Variants in TBC1D22A observed in about 807,000 individuals in gnomAD.
TBC1D22A encodes TBC1 domain family member 22A.
TBC1D22A carries 38 observed loss-of-function variants against 60.2 expected under a neutral mutation model. That is an observed-to-expected ratio of 0.63 (90% CI 0.49 to 0.83). The LOEUF is 0.83. Ranked by LOEUF, TBC1D22A falls within the 40% of genes least tolerant of loss-of-function variation. The probability of loss-of-function intolerance (pLI) is 0.00; values close to 1 mark genes in which losing one functional copy is unlikely to be tolerated. For synonymous variants in TBC1D22A, 302 were observed against 281.7 expected (o/e 1.07, Z -0.72); for missense variants, 628 against 701.0 (o/e 0.90, Z 1.18).
rs1427034128 is a variant in TBC1D22A at position 47,028,597 on chromosome 22, G to A, written c.1202-8474G>A. ...CCCCCACGGCCCAGGAATGAATCTG[G>A]TATGACCTCTTCTGTCTCGCCTGCC... On this transcript the variant is annotated intron_variant, in intron 10 of 12. Transcript: ENST00000337137. This position sits in a 1 kb window ranked among gnomAD's most constrained non-coding sequence, Gnocchi z 4.4. Among the ~76,000 whole-genome samples the A allele has an allele frequency of 6.6e-6, 1 of 152,154 alleles. No homozygotes were observed. The highest frequency in any genetic ancestry group is 2.4e-5 in the African/African-American group (1 of 41,416).
chr22:46,808,288 G>A (rs2085235140), intron 4 of TBC1D22A, among the ~76,000 whole-genome samples: 1 of 151,490 alleles, frequency 6.6e-6, no homozygotes, highest in African/African-American at 2.4e-5. Flanking sequence ...AACCCGGGAG[G>A]CAGAGGTTGC....
At chr22:46,891,495 A>T in intron 6 of TBC1D22A, 101 bp downstream of exon 6, 1 of 1,322,764 alleles carries the variant, frequency 7.6e-7, no homozygotes, top group Non-Finnish European at 1.0e-6. Context: ...AGTTGGTCAG[A>T]GTTAAAGATG....
intron 11 of TBC1D22A, among the ~76,000 whole-genome samples, chr22:47,074,076 C>G (rs879370514): frequency 2.0e-5 from 3 of 152,334 alleles, no homozygotes; most frequent in South Asian, 2.1e-4. Flanking sequence ...CCACTGTACT[C>G]TAGCCTGGGT....
chr22:46,776,349 C>T (rs1304413217), intron 1 of TBC1D22A, among the ~76,000 whole-genome samples: 1 of 151,836 alleles, frequency 6.6e-6, no homozygotes, highest in East Asian at 1.9e-4. Flanking sequence ...ACAGCTGTGG[C>T]TGTATGGTGG....
At chr22:46,816,014 A>C (rs1457070783) in intron 4 of TBC1D22A, among the ~76,000 whole-genome samples, 1 of 152,020 alleles carries the variant, frequency 6.6e-6, no homozygotes, top group Non-Finnish European at 1.5e-5. Context: ...ATTGGATTTT[A>C]CCCTGCAGGT....
chr22:47,052,730 G>A (rs974321819), intron 11 of TBC1D22A, among the ~76,000 whole-genome samples: 2 of 152,180 alleles, frequency 1.3e-5, no homozygotes, highest in Non-Finnish European at 2.9e-5. Flanking sequence ...CTCAGGCTCT[G>A]CTGGGGCAGC....
At chr22:47,139,210 A>T (rs1182605859) in intron 12 of TBC1D22A, among the ~76,000 whole-genome samples, 2 of 152,206 alleles carry the variant, frequency 1.3e-5, no homozygotes, top group Non-Finnish European at 2.9e-5. Flanking sequence ...TGCAGCGACC[A>T]GTCAGGCACA....
intron 12 of TBC1D22A, among the ~76,000 whole-genome samples, chr22:47,130,510 G>A (rs1291955170): frequency 6.6e-6 from 1 of 152,214 alleles, no homozygotes; most frequent in African/African-American, 2.4e-5. Flanking sequence ...GGGTGGAGGT[G>A]GAAGCCACTT....
At chr22:47,090,902 G>T (rs1333472113) in intron 11 of TBC1D22A, among the ~76,000 whole-genome samples, 1 of 109,610 alleles carries the variant, frequency 9.1e-6, no homozygotes, top group East Asian at 3.1e-4. Context: ...GGCAGGAGAA[G>T]TCGTCTTTGG....
chr22:46,995,179 G>C (rs763021696), intron 9 of TBC1D22A, among the ~76,000 whole-genome samples: 7 of 152,192 alleles, frequency 4.6e-5, no homozygotes, highest in East Asian at 1.9e-4. Context: ...CCCGGGAGCA[G>C]TCACTCCAGA....
In TBC1D22A at chr22:47,042,177, C is replaced by G. The variant is rs1273823823; in HGVS notation, c.1329+4979C>G. On this transcript the variant is annotated intron_variant, in intron 11 of 12. Transcript: ENST00000337137. ...TGTCACAGTGGCTTCTATTTCTGCC[C>G]CCCCCATGAGGCACTTTGGGCTCCA... Among the ~76,000 whole-genome samples, 3 of 152,330 alleles carry G rather than the reference C, an allele frequency of 2.0e-5. No homozygotes were observed. In the South Asian group the frequency reaches 6.2e-4, roughly 32 times the overall value.
rs180736150 is a variant in TBC1D22A, at chr22:47,172,792, G to T, written c.1426-706G>T. ...GCACCAGGTTGGACCTAGACCTGAA[G>T]CTGGGTTTGGTGGAGCCCTGCACCC... On this transcript the variant is annotated intron_variant, in intron 12 of 12. Coordinates refer to ENST00000337137, the MANE Select transcript of TBC1D22A (RefSeq NM_014346.5). Among the ~76,000 whole-genome samples, 3 of 152,354 alleles carry T rather than the reference G, an allele frequency of 2.0e-5. No individual in the cohort carries two copies. The East Asian group carries it at 5.8e-4, about 29-fold the overall frequency.
intron 12 of TBC1D22A, among the ~76,000 whole-genome samples, chr22:47,168,840 G>T (rs1399316255): frequency 1.3e-5 from 2 of 152,200 alleles, no homozygotes; most frequent in Non-Finnish European, 2.9e-5. Flanking sequence ...AACCCTTTTG[G>T]TAAGAAGTAG....
At chr22:46,924,088 T>C (rs2070909879) in intron 8 of TBC1D22A, among the ~76,000 whole-genome samples, 1 of 152,214 alleles carries the variant, frequency 6.6e-6, no homozygotes, top group Non-Finnish European at 1.5e-5. Flanking sequence ...ACAATTGTAT[T>C]TTAGCTTAAA....
chr22:46,849,349 C>T (rs2147268706), intron 4 of TBC1D22A, among the ~76,000 whole-genome samples: 1 of 152,300 alleles, frequency 6.6e-6, no homozygotes, highest in South Asian at 2.1e-4. Flanking sequence ...TCCTGGACAC[C>T]TTTTTGTCTC....
intron 8 of TBC1D22A, among the ~76,000 whole-genome samples, chr22:46,934,682 C>T (rs530324616): frequency 3.3e-4 from 51 of 152,332 alleles, no homozygotes; most frequent in African/African-American, 1.0e-3. Flanking sequence ...CCCGGGGACA[C>T]GTCACCCACT....
At position 47,170,795 on chromosome 22, in the gene TBC1D22A, C is replaced by G. The variant is rs7511337; in HGVS notation, c.1426-2703C>G. ...AGAGAGGACAGTCCTGGTGTGTAAC[C>G]CTCCTGATGCAGGACCGGAGAGAGG... On this transcript the variant is annotated intron_variant, in intron 12 of 12. Coordinates refer to ENST00000337137, the MANE Select transcript of TBC1D22A (RefSeq NM_014346.5). Among the ~76,000 whole-genome samples the G allele has an allele frequency of 4.5e-3, 415 of 92,930 alleles. 1 individual carries two copies. Among genetic ancestry groups the G allele is most frequent in the African/African-American group, 8.4e-3 (185 of 22,064 alleles). 61.0% of individuals were successfully genotyped at this position (92,930 alleles called of 152,430 possible). A position where few individuals can be genotyped will look rare whatever the true frequency, so the allele number is the denominator to read the frequency against.
chr22:47,042,652 G>C (rs1361650887), intron 11 of TBC1D22A, among the ~76,000 whole-genome samples: 1 of 152,234 alleles, frequency 6.6e-6, no homozygotes, highest in Non-Finnish European at 1.5e-5. Context: ...GTCAGGGCCA[G>C]AGCCTCCAAG....
At chr22:46,950,590 C>T (rs1041371426) in intron 8 of TBC1D22A, among the ~76,000 whole-genome samples, 1 of 152,084 alleles carries the variant, frequency 6.6e-6, no homozygotes, top group African/African-American at 2.4e-5. Flanking sequence ...GCTGTCATCT[C>T]GGAGCTTCAT....
Sources: allele counts gnomAD v4.1 joint callset (sites outside exome capture counted in the v4.1 genomes callset), GRCh38; gene constraint gnomAD v4.1.1; non-coding constraint Gnocchi (gnomAD v3.1); transcripts MANE v1.5; gene names NCBI Gene and HGNC (gene_info 2026-07-23, HGNC 2026-07-21).